Variants in ARHGAP28 observed in about 807,000 individuals in gnomAD.
ARHGAP28 encodes the protein Rho GTPase activating protein 28.
ARHGAP28 carries 56 observed loss-of-function variants against 90.7 expected under a neutral mutation model. The ratio of observed to expected loss-of-function variants is 0.62; its 90% CI spans 0.50 to 0.77. ARHGAP28 has a LOEUF of 0.77. Among genes scored for constraint, ARHGAP28 ranks in the 30% least tolerant of loss-of-function variants. The pLI is 0.00. For synonymous variants in ARHGAP28, 308 were observed against 323.3 expected, an observed-to-expected ratio of 0.95 and a Z score of 0.51; for missense variants, 869 against 900.9, an observed-to-expected ratio of 0.96 and a Z score of 0.45.
chr18:6,813,146 A>G (rs1356143943), intron 1 of ARHGAP28, among the ~76,000 whole-genome samples: 3 of 152,220 alleles, frequency 2.0e-5, no homozygotes, highest in Non-Finnish European at 2.9e-5. Flanking sequence ...ACCACAGGGA[A>G]AGCTGAGTAA....
intron 10 of ARHGAP28, among the ~76,000 whole-genome samples, chr18:6,881,280 C>G (rs1440410058): frequency 1.3e-5 from 2 of 152,154 alleles, no homozygotes; most frequent in Admixed American, 1.3e-4. Flanking sequence ...AAGCAGAGGT[C>G]TTAAAGAAAC....
At chr18:6,794,914 C>T (rs1323967502) in intron 1 of ARHGAP28, among the ~76,000 whole-genome samples, 1 of 152,098 alleles carries the variant, frequency 6.6e-6, no homozygotes, top group African/African-American at 2.4e-5. Flanking sequence ...AACTCCTGGG[C>T]TCAAGTGCTC....
chr18:6,744,732 C>T (rs550614536), intron 1 of ARHGAP28, among the ~76,000 whole-genome samples: 5 of 152,112 alleles, frequency 3.3e-5, no homozygotes, highest in Non-Finnish European at 7.4e-5. Flanking sequence ...TTAAGGTTTT[C>T]TTTGAAAAAT....
At chr18:6,814,288 T>C (rs2056576069) in intron 1 of ARHGAP28, among the ~76,000 whole-genome samples, 1 of 152,160 alleles carries the variant, frequency 6.6e-6, no homozygotes, top group Non-Finnish European at 1.5e-5. Flanking sequence ...CCTGTGAAGC[T>C]GGACCAAGCT....
At chr18:6,856,813 T>C (rs2056957555) in intron 4 of ARHGAP28, among the ~76,000 whole-genome samples, 2 of 152,248 alleles carry the variant, frequency 1.3e-5, no homozygotes, top group Admixed American at 6.5e-5. Context: ...CCAGCCGTGA[T>C]TTCTAACACC....
At chr18:6,910,770 T>C (rs1454108020) in intron 17 of ARHGAP28, among the ~76,000 whole-genome samples, 2 of 152,144 alleles carry the variant, frequency 1.3e-5, no homozygotes, top group Non-Finnish European at 2.9e-5. Context: ...ATTATTAATA[T>C]GTGGTAAGTG....
intron 2 of ARHGAP28, among the ~76,000 whole-genome samples, chr18:6,835,877 A>G (rs1281105193): frequency 6.6e-6 from 1 of 152,172 alleles, no homozygotes; most frequent in Admixed American, 6.5e-5. Context: ...AAAAATCCTC[A>G]TAGGCACCTA....
chr18:6,876,244 T>C, intron 10 of ARHGAP28, 36 bp downstream of exon 10: 3 of 1,497,254 alleles, frequency 2.0e-6, no homozygotes, highest in Non-Finnish European at 2.8e-6. Context: ...GGTAGAGTTC[T>C]AAGCTAGCTA....
At chr18:6,742,128 G>A (rs758065002) in intron 1 of ARHGAP28, among the ~76,000 whole-genome samples, 12 of 151,834 alleles carry the variant, frequency 7.9e-5, no homozygotes, top group Non-Finnish European at 1.8e-4. Context: ...CTGAGAACTA[G>A]GAACACATGA....
At chr18:6,841,186 T>TCTC (rs1567966639) in intron 3 of ARHGAP28, among the ~76,000 whole-genome samples, 1 of 57,794 alleles carries the variant, frequency 1.7e-5, no homozygotes, top group Non-Finnish European at 3.3e-5. Context: ...CTCTCCTCTC[T>TCTC]CTCTCTCTCT....
At chr18:6,904,145 G>C (rs191508876) in intron 16 of ARHGAP28, among the ~76,000 whole-genome samples, 1 of 152,198 alleles carries the variant, frequency 6.6e-6, no homozygotes, top group Admixed American at 6.5e-5. Context: ...TGTAATCCTA[G>C]CACTTTGGGA....
chr18:6,839,656 C>T (rs1031067672), intron 3 of ARHGAP28, among the ~76,000 whole-genome samples: 1 of 152,156 alleles, frequency 6.6e-6, no homozygotes, highest in Non-Finnish European at 1.5e-5. Flanking sequence ...CCTTCACTTG[C>T]ATTTTATTTG....
intron 1 of ARHGAP28, among the ~76,000 whole-genome samples, chr18:6,779,279 A>G (rs958843663): frequency 2.0e-5 from 3 of 152,206 alleles, no homozygotes; most frequent in African/African-American, 7.2e-5. Flanking sequence ...AAATTGCAGT[A>G]TTAAGATAGA....
chr18:6,740,928 A>C (rs2055971479), intron 1 of ARHGAP28, among the ~76,000 whole-genome samples: 1 of 152,190 alleles, frequency 6.6e-6, no homozygotes, highest in Admixed American at 6.5e-5. Context: ...TCAGGCCCAC[A>C]ATGTGGGCTA....
Position 6,837,324 on chromosome 18 carries a change from G to A in ARHGAP28, c.453G>A (p.Lys151=), listed in dbSNP as rs189356809. 6.2e-6 allele frequency: 10 copies of A among 1,613,842 alleles called. No homozygotes were observed. The African/African-American group carries it at 9.3e-5, about 15-fold the overall frequency. ...LTRTQAAAVQ[K]RYHTYTQTMR... ...GAACCCAAGCAGCTGCCGTGCAAAA[G>A]AGATACCATACCTATACCCAAACCA... Residue 151 remains lysine, a synonymous_variant, in exon 3 of 18, where the codon AAG becomes AAA. Coordinates refer to ENST00000383472, the MANE Select transcript of ARHGAP28 (RefSeq NM_001366230.1).
At chr18:6,854,490 T>G (rs1415516843) in intron 4 of ARHGAP28, among the ~76,000 whole-genome samples, 1 of 152,184 alleles carries the variant, frequency 6.6e-6, no homozygotes. Flanking sequence ...TTTCTTCTAT[T>G]ATGTCTTAAA....
chr18:6,753,345 T>G (rs550449029), intron 1 of ARHGAP28, among the ~76,000 whole-genome samples: 1 of 152,356 alleles, frequency 6.6e-6, no homozygotes, highest in Middle Eastern at 3.4e-3. Flanking sequence ...AAATTTTTTT[T>G]GGATATTCCT....
At chr18:6,768,827 G>T (rs1367721) in intron 1 of ARHGAP28, among the ~76,000 whole-genome samples, 59,654 of 151,830 alleles carry the variant, frequency 0.39, 12,606 homozygotes, top group East Asian at 0.85. Flanking sequence ...TGCTGGTCTG[G>T]GCGGTTCATC....
intron 1 of ARHGAP28, among the ~76,000 whole-genome samples, chr18:6,752,778 TG>T (rs1284939660): frequency 2.0e-5 from 3 of 152,158 alleles, no homozygotes; most frequent in African/African-American, 7.2e-5. Context: ...TGAGGCCTTT[TG>T]TTCCGCTCAG....
Sources: allele counts gnomAD v4.1 joint callset (sites outside exome capture counted in the v4.1 genomes callset), GRCh38; gene constraint gnomAD v4.1.1; transcripts MANE v1.5; gene names NCBI Gene and HGNC (gene_info 2026-07-23, HGNC 2026-07-21).